Variants in LEMD2 observed in about 807,000 individuals in gnomAD.
LEMD2 encodes LEM domain-containing protein 2.
Under a neutral mutation model 58.8 loss-of-function variants are expected in LEMD2, and 34 were observed. That is an observed-to-expected ratio of 0.58 (90% CI 0.44 to 0.77). The LOEUF is 0.77. Ranked by LOEUF, LEMD2 falls within the 30% of genes least tolerant of loss-of-function variation. The probability of loss-of-function intolerance (pLI) is 0.00; values close to 1 mark genes in which losing one functional copy is unlikely to be tolerated. For missense variants in LEMD2, 629 were observed against 717.9 expected (o/e 0.88, Z 1.42); for synonymous variants, 298 against 308.9 (o/e 0.96, Z 0.37).
At chr6:33,781,287 G>A (rs964322853) in intron 3 of LEMD2, 134 bp from the exon 4 acceptor site, 4 of 632,012 alleles carry the variant, frequency 6.3e-6, no homozygotes, top group Non-Finnish European at 1.1e-5. Flanking sequence ...GCTTCTGTGG[G>A]GCATCTTCAC....
At position 33,777,387 on chromosome 6, in the gene LEMD2, G is replaced by A. The variant is rs567441840; in HGVS notation, c.1157-148C>T. On this transcript the variant is annotated intron_variant, in intron 6 of 8. Coordinates refer to ENST00000293760, the MANE Select transcript of LEMD2 (RefSeq NM_181336.4). ...TGTCAGGCTCAGGGCCAGCATGCGA[G>A]AAACAAAAGATACAGAAATGCAGAG... 3.1e-5 allele frequency: 21 copies of A among 684,794 alleles called. No homozygotes were observed. In the African/African-American group the frequency reaches 3.6e-4, roughly 12 times the overall value. The allele number at this position is 684,794 out of a possible 1,614,324, so 42.4% of individuals were successfully genotyped here. A position where few individuals can be genotyped will look rare whatever the true frequency, so the allele number is the denominator to read the frequency against.
At chr6:33,774,288 C>T (rs2127377909) in intron 8 of LEMD2, among the ~76,000 whole-genome samples, 2 of 151,482 alleles carry the variant, frequency 1.3e-5, no homozygotes, top group East Asian at 1.9e-4. Flanking sequence ...TCTCCTGACT[C>T]AGCCTCCCGA....
At chr6:33,788,113 T>C (rs756137) in intron 1 of LEMD2, among the ~76,000 whole-genome samples, 46,091 of 152,212 alleles carry the variant, frequency 0.3, 8,170 homozygotes, top group East Asian at 0.67. Flanking sequence ...GAGCAGTGAC[T>C]ACAGCTTGTG....
rs1767563017 is a variant in LEMD2, at chr6:33,781,435, A to G, written c.854-282T>C. The G allele has an allele frequency of 9.7e-6, 4 of 413,058 alleles. No homozygotes were observed. The South Asian group carries it at 1.2e-4, about 12-fold the overall frequency. 25.6% of individuals were successfully genotyped at this position (413,058 alleles called of 1,614,324 possible). ...AAGGTCTCTTTGCAATTGATCCCTA[A>G]AAGAATCAGACAGATAGCTTCGGAA... On this transcript the variant is annotated intron_variant, in intron 3 of 8. Transcript: ENST00000293760.
chr6:33,783,128 C>G (rs1292423503), intron 3 of LEMD2, among the ~76,000 whole-genome samples: 1 of 152,184 alleles, frequency 6.6e-6, no homozygotes, highest in Non-Finnish European at 1.5e-5. Flanking sequence ...AGTGAGCTCC[C>G]ACGTGATGCA....
At chr6:33,783,758 C>T (rs1379201439) in intron 3 of LEMD2, among the ~76,000 whole-genome samples, 2 of 152,188 alleles carry the variant, frequency 1.3e-5, no homozygotes, top group African/African-American at 4.8e-5. Context: ...CTTTAGAGGA[C>T]AGCACTTGAC....
chr6:33,780,942 C>T, intron 4 of LEMD2, 135 bp downstream of exon 4: 1 of 631,546 alleles, frequency 1.6e-6, no homozygotes, highest in East Asian at 2.8e-5. Flanking sequence ...AAGCCATAAA[C>T]CAAACCTTAA....
intron 1 of LEMD2, chr6:33,787,033 AC>A: frequency 1.6e-6 from 1 of 609,894 alleles, no homozygotes; most frequent in Non-Finnish European, 2.6e-6. Context: ...GGGCAACTCA[AC>A]CACTCTGAAC....
chr6:33,784,879 A>AT (rs1767641418), intron 2 of LEMD2, among the ~76,000 whole-genome samples: 1 of 152,216 alleles, frequency 6.6e-6, no homozygotes, highest in Non-Finnish European at 1.5e-5. Context: ...AGCAGCTGCC[A>AT]TCTCGTCTCC....
At chr6:33,774,430 A>ATTTTTT (rs59520978) in intron 8 of LEMD2, among the ~76,000 whole-genome samples, 1 of 121,364 alleles carries the variant, frequency 8.2e-6, no homozygotes. Context: ...TTGGTCTCCC[A>ATTTTTT]TTTTTTTTTT....
chr6:33,776,085 G>A (rs1026813012), intron 8 of LEMD2, among the ~76,000 whole-genome samples: 3 of 152,196 alleles, frequency 2.0e-5, no homozygotes, highest in Non-Finnish European at 4.4e-5. Context: ...CATGTGGAAG[G>A]TGCCCTGCAG....
chr6:33,781,213 T>A, intron 3 of LEMD2, 60 bp from the exon 4 acceptor site: 2 of 1,087,244 alleles, frequency 1.8e-6, no homozygotes, highest in Non-Finnish European at 2.8e-6. Context: ...TGAAACAGAC[T>A]AAAAAATGCA....
intron 1 of LEMD2, chr6:33,787,056 C>G: frequency 2.2e-6 from 1 of 463,586 alleles, no homozygotes; most frequent in Non-Finnish European, 3.6e-6. Flanking sequence ...TCTGTCTCCT[C>G]GTCTGTAAAA....
In LEMD2 at chr6:33,772,541, C is replaced by G; in HGVS notation, c.*87G>C. On this transcript the variant is annotated 3_prime_UTR_variant, in exon 9 of 9. Coordinates refer to ENST00000293760, the MANE Select transcript of LEMD2 (RefSeq NM_181336.4). ...CTGAAAGTCAAGGCAAGTGTGAATT[C>G]AGCACCGCAGGCCTGGTGACCCTCC... The G allele has an allele frequency of 7.8e-7, 1 of 1,275,336 alleles. No homozygotes were observed. Among genetic ancestry groups the G allele is most frequent in the Non-Finnish European group, 1.1e-6 (1 of 908,568 alleles). The allele number at this position is 1,275,336 out of a possible 1,614,324, so 79.0% of individuals were successfully genotyped here.
At position 33,788,361 on chromosome 6, in the gene LEMD2, T is replaced by A. The variant is rs1362003229; in HGVS notation, c.736+20A>T. On this transcript the variant is annotated intron_variant, in intron 1 of 8. Coordinates refer to ENST00000293760, the MANE Select transcript of LEMD2 (RefSeq NM_181336.4). ...CACACGCGCGCCCAGGGCCCTCCCCTGCGCCGGCCCAGGACGTACTGTTGT... is the reference window on the plus strand; with the variant it reads ...CACACGCGCGCCCAGGGCCCTCCCCAGCGCCGGCCCAGGACGTACTGTTGT... 1 of 1,538,086 alleles carries A rather than the reference T, an allele frequency of 6.5e-7. No individual in the cohort carries two copies. Among genetic ancestry groups the A allele is most frequent in the Non-Finnish European group, 8.8e-7 (1 of 1,141,664 alleles).
At chr6:33,776,897 C>T in intron 8 of LEMD2, 57 bp downstream of exon 8, 2 of 1,389,502 alleles carry the variant, frequency 1.4e-6, no homozygotes, top group South Asian at 1.2e-5. Context: ...TTCTGGGGAG[C>T]TCAGTGGGGT....
rs757864405 is a variant in LEMD2, at chr6:33,789,120, C to A, written c.-4G>T. ...CCAGGTCCGACAGGCCGGCCATGGC[C>A]AGGACGCCGCCCCCCGCCCGCCCCT... On this transcript the variant is annotated 5_prime_UTR_variant, in exon 1 of 9. Coordinates refer to ENST00000293760, the MANE Select transcript of LEMD2 (RefSeq NM_181336.4). 1 of 1,511,586 alleles carries A rather than the reference C, an allele frequency of 6.6e-7. No homozygotes were observed. 93.6% of individuals were successfully genotyped at this position (1,511,586 alleles called of 1,614,324 possible). A position where few individuals can be genotyped will look rare whatever the true frequency, so the allele number is the denominator to read the frequency against.
At chr6:33,786,681 G>A in intron 2 of LEMD2, 53 bp downstream of exon 2, 3 of 1,425,604 alleles carry the variant, frequency 2.1e-6, no homozygotes, top group South Asian at 2.4e-5. Flanking sequence ...ACCTCCTGAT[G>A]GAGGCTAATA....
intron 8 of LEMD2, among the ~76,000 whole-genome samples, chr6:33,774,484 C>T (rs1315825109): frequency 2.0e-4 from 29 of 147,954 alleles, no homozygotes; most frequent in African/African-American, 6.8e-4. Flanking sequence ...GGCTGGTGTG[C>T]AATGGCATGA....
Sources: gnomAD v4.1 joint callset for allele counts (sites outside exome capture counted in the v4.1 genomes callset) on GRCh38, gnomAD v4.1.1 for gene constraint, MANE v1.5 for transcripts, NCBI Gene and HGNC (gene_info 2026-07-23, HGNC 2026-07-21) for gene names.